The following LIG1 variants were observed in gnomAD, a reference collection of about 807,000 sequenced individuals.
The protein encoded by LIG1 is ligase I, DNA, ATP-dependent.
A neutral mutation model predicts 115.7 loss-of-function variants in LIG1; 70 were observed. The ratio of observed to expected loss-of-function variants is 0.60; its 90% confidence interval spans 0.50 to 0.74. LIG1 has a LOEUF of 0.74. Ranked by LOEUF, LIG1 falls within the 30% of genes least tolerant of loss-of-function variation. The pLI is 0.00. For missense variants in LIG1, 1,115 were observed against 1,225.6 expected, an observed-to-expected ratio of 0.91 and a Z score of 1.35; for synonymous variants, 487 against 495.3, an observed-to-expected ratio of 0.98 and a Z score of 0.22.
chr19:48,157,562 T>C (rs911074977), intron 4 of LIG1, among the ~76,000 whole-genome samples: 1 of 152,178 alleles, frequency 6.6e-6, no homozygotes, highest in South Asian at 2.1e-4. Context: ...ATTTATTTAT[T>C]GAGACAGGGT....
chr19:48,137,064 G>A lies in LIG1; in HGVS notation c.1275C>T (p.Asp425=), dbSNP rs200056453. The A allele has an allele frequency of 1.2e-6, 2 of 1,612,888 alleles. No individual in the cohort carries two copies. Among genetic ancestry groups the A allele is most frequent in the Non-Finnish European group, 1.7e-6 (2 of 1,179,632 alleles). The change falls in exon 14 of 28, where the codon GAC becomes GAT. Residue 425 remains aspartate, a synonymous_variant. Transcript: ENST00000263274. The surrounding 1 kb of genome is among the most constrained non-coding windows in gnomAD (Gnocchi z 4.3). The stretch of plus-strand genomic sequence containing the variant: ...AGGCCACAAAGAGGCCTTTGATGAT[G>A]TCTATCTTCTTGGCTGTGGACTGGA... ...TGSASTAKKI[D]IIKGLFVACR... is the part of the protein sequence containing the mutation.
At chr19:48,119,008 G>A in intron 25 of LIG1, 129 bp downstream of exon 25, 2 of 729,440 alleles carry the variant, frequency 2.7e-6, no homozygotes, top group Non-Finnish European at 2.4e-6. Context: ...CAGCTCCACT[G>A]CCTGCTGCCC....
intron 7 of LIG1, among the ~76,000 whole-genome samples, chr19:48,150,912 G>A (rs1244769116): frequency 2.0e-5 from 3 of 151,666 alleles, no homozygotes; most frequent in Non-Finnish European, 4.4e-5. Flanking sequence ...TGTTGCCCAG[G>A]CTGGTCTTGA....
Position 48,149,841 on chromosome 19 carries a change from G to C in LIG1, c.698C>G (p.Thr233Ser), listed in dbSNP as rs1275077668. 2 of 1,613,744 alleles carry C rather than the reference G, an allele frequency of 1.2e-6. No homozygotes were observed. The highest frequency in any genetic ancestry group is 3.3e-5 in the Admixed American group (2 of 60,006). ...RAPKTLSSFF[T>S]PRKPAVKKEV... ...TTTTTTGACTGCTGGCTTCCGGGGG[G>C]CTAGGAATGAAGACAGAAAACAGTG... Residue 233 changes from threonine (T) to serine (S), a missense_variant and splice_region_variant, in exon 9 of 28, where the codon ACC becomes AGC. Thr to Ser is a moderately conservative substitution (Grantham distance 58). Coordinates refer to ENST00000263274, the MANE Select transcript of LIG1 (RefSeq NM_000234.3).
chr19:48,137,819 T>A lies in LIG1; in HGVS notation c.1088-131A>T. 1.8e-6 allele frequency: 2 copies of A among 1,135,534 alleles called. No homozygotes were observed. Among genetic ancestry groups the A allele is most frequent in the Non-Finnish European group, 2.5e-6 (2 of 789,792 alleles). The allele number at this position is 1,135,534 out of a possible 1,614,324, so 70.3% of individuals were successfully genotyped here. A position where few individuals can be genotyped will look rare whatever the true frequency, so the allele number is the denominator to read the frequency against. ...GCGAGTCCCTGCACCTCCCTGTGTC[T>A]AACGCTCACCCACTTGGTAGAAATG... On this transcript the variant is annotated intron_variant, in intron 12 of 27. Coordinates refer to ENST00000263274, the MANE Select transcript of LIG1 (RefSeq NM_000234.3). The surrounding 1 kb of genome is among the most constrained non-coding windows in gnomAD (Gnocchi z 4.3).
intron 24 of LIG1, chr19:48,120,250 A>AG (rs781082375): frequency 3.0e-6 from 3 of 985,444 alleles, no homozygotes; most frequent in Non-Finnish European, 3.6e-6. Flanking sequence ...TATGGGGCAC[A>AG]GCACTTGAAA....
At chr19:48,124,925 G>A (rs1423860234) in intron 21 of LIG1, among the ~76,000 whole-genome samples, 1 of 151,174 alleles carries the variant, frequency 6.6e-6, no homozygotes, top group African/African-American at 2.4e-5. Flanking sequence ...TGACGCAGGA[G>A]AATCACTTGA....
In LIG1 at chr19:48,153,891, C is replaced by T. The variant is rs923545940; in HGVS notation, c.447G>A (p.Lys149=). ...EQSEDEDREA[K]RKKEEEEEET... ...GCTCACCTTCCTCCTCCTTCTTCCT[C>T]TTGGCTTCTCTGTCCTCGTCCTCAC... The change falls in exon 6 of 28, where the codon AAG becomes AAA. Residue 149 remains lysine (K), a synonymous_variant. Coordinates refer to ENST00000263274, the MANE Select transcript of LIG1 (RefSeq NM_000234.3). 14 of 1,599,972 alleles carry T rather than the reference C, an allele frequency of 8.8e-6. No individual in the cohort carries two copies. The highest frequency in any genetic ancestry group is 4.0e-5 in the African/African-American group (3 of 74,494).
At chr19:48,170,085 G>A (rs1056629982) in intron 1 of LIG1, 156 bp downstream of exon 1, 8 of 406,904 alleles carry the variant, frequency 2.0e-5, no homozygotes, top group Non-Finnish European at 4.0e-5. Flanking sequence ...GCGGCCCGCA[G>A]CCCGCGCTCT....
At position 48,115,653 on chromosome 19, in the gene LIG1, T is replaced by C. The variant is rs1369660082; in HGVS notation, c.2756A>G (p.Tyr919Cys). Residue 919 changes from tyrosine (Y) to cysteine (C), a missense_variant, in exon 28 of 28, where the codon TAC becomes TGC. Transcript: ENST00000263274. ...EDSGSDPEDT[Y>C] ...AGGCCCTAGGAGGGCGAGGGCTTAGTAGGTATCTTCAGGGTCAGAGCCTGA... is the reference window on the plus strand; with the variant it reads ...AGGCCCTAGGAGGGCGAGGGCTTAGCAGGTATCTTCAGGGTCAGAGCCTGA... The C allele has an allele frequency of 3.1e-6, 5 of 1,612,434 alleles. No individual in the cohort carries two copies. The highest frequency in any genetic ancestry group is 4.2e-6 in the Non-Finnish European group (5 of 1,178,414).
chr19:48,128,836 C>T (rs759411846), intron 19 of LIG1, among the ~76,000 whole-genome samples: 1 of 152,238 alleles, frequency 6.6e-6, no homozygotes, highest in Non-Finnish European at 1.5e-5. Flanking sequence ...GATCTTGGCT[C>T]ACTGCAACCT....
chr19:48,128,085 C>T (rs1599759625), intron 19 of LIG1, 65 bp from the exon 20 acceptor site: 9 of 1,265,410 alleles, frequency 7.1e-6, no homozygotes, highest in Non-Finnish European at 1.0e-5. Context: ...AAGACAAACA[C>T]GGGGAGATAA....
intron 12 of LIG1, among the ~76,000 whole-genome samples, chr19:48,138,134 C>G (rs531879284): frequency 6.6e-6 from 1 of 152,126 alleles, no homozygotes; most frequent in Non-Finnish European, 1.5e-5. Flanking sequence ...AGCTTACACA[C>G]GTGGGATGTG....
chr19:48,141,934 C>A (rs751265663), intron 11 of LIG1, among the ~76,000 whole-genome samples: 1 of 152,100 alleles, frequency 6.6e-6, no homozygotes, highest in Non-Finnish European at 1.5e-5. Context: ...AAGGTCTTTG[C>A]GGATGTACCT....
At position 48,161,469 on chromosome 19, in the gene LIG1, C is replaced by T. The variant is rs1382334435; in HGVS notation, c.146G>A (p.Ser49Asn). The stretch of plus-strand genomic sequence containing the variant: ...CCCTGGCCTCTTCACCGGAGAGTCA[C>T]TCTCGGACACCACTCCATTCCACTC... The part of the protein sequence containing the change: ...LKEWNGVVSE[S>N]DSPVKRPGRK... The change falls in exon 4 of 28, where the codon AGT becomes AAT. Residue 49 changes from serine (S) to asparagine (N), a missense_variant. Ser to Asn is a conservative substitution (Grantham distance 46). Coordinates refer to ENST00000263274, the MANE Select transcript of LIG1 (RefSeq NM_000234.3). 2 of 1,614,180 alleles carry T rather than the reference C, an allele frequency of 1.2e-6. No individual in the cohort carries two copies. Among genetic ancestry groups the T allele is most frequent in the Non-Finnish European group, 1.7e-6 (2 of 1,180,040 alleles).
intron 9 of LIG1, among the ~76,000 whole-genome samples, chr19:48,148,903 C>T (rs903536781): frequency 5.3e-5 from 8 of 152,164 alleles, no homozygotes; most frequent in East Asian, 1.9e-4. Flanking sequence ...GCAGGGCGGC[C>T]GGCTCTCTAT....
At chr19:48,150,035 C>G in intron 8 of LIG1, 53 bp downstream of exon 8, 1 of 1,612,692 alleles carries the variant, frequency 6.2e-7, no homozygotes, top group East Asian at 2.2e-5. Context: ...GAGAGGCTCA[C>G]CAGCCTCCTG....
chr19:48,125,184 G>A (rs2033581967), intron 21 of LIG1, among the ~76,000 whole-genome samples: 1 of 152,118 alleles, frequency 6.6e-6, no homozygotes, highest in Non-Finnish European at 1.5e-5. Flanking sequence ...AAATTTTAAA[G>A]AAGGAATATT....
intron 5 of LIG1, among the ~76,000 whole-genome samples, chr19:48,155,286 TCCTCTCTAGCTCA>T (rs2035764876): frequency 1.3e-5 from 2 of 152,004 alleles, no homozygotes; most frequent in Admixed American, 1.3e-4. Context: ...GCCCCCACTC[TCCTCTCTAGCTCA>T]CCTCTCACCA....
Sources: allele counts gnomAD v4.1 joint callset (sites outside exome capture counted in the v4.1 genomes callset), GRCh38; gene constraint gnomAD v4.1.1; non-coding constraint Gnocchi (gnomAD v3.1); transcripts MANE v1.5; gene names NCBI Gene and HGNC (gene_info 2026-07-23, HGNC 2026-07-21).